Variants in ROBO2 observed in about 807,000 individuals in gnomAD.
ROBO2 encodes the protein roundabout homolog 2.
Under a neutral mutation model 160.8 loss-of-function variants are expected in ROBO2, and 53 were observed. The observed-to-expected ratio is 0.33, with a 90% CI of 0.26 to 0.41. The LOEUF (loss-of-function observed/expected upper bound fraction) is 0.41, where lower values mean the gene tolerates loss of function less well. Ranked by LOEUF, ROBO2 falls within the 10% of genes least tolerant of loss-of-function variation. The probability of loss-of-function intolerance (pLI) is 1.00; values close to 1 mark genes in which losing one functional copy is unlikely to be tolerated. For synonymous variants in ROBO2, 664 were observed against 611.7 expected (o/e 1.09, Z -1.26); for missense variants, 1,577 against 1,722.4 (o/e 0.92, Z 1.49).
At chr3:75,971,334 G>C (rs1360659570) in intron 2 of ROBO2, among the ~76,000 whole-genome samples, 2 of 151,404 alleles carry the variant, frequency 1.3e-5, no homozygotes, top group African/African-American at 4.8e-5. Context: ...CATAAAACCT[G>C]AACATGTTTC....
At chr3:76,580,492 T>C (rs2085631538) in intron 2 of ROBO2, among the ~76,000 whole-genome samples, 1 of 151,964 alleles carries the variant, frequency 6.6e-6, no homozygotes, top group Non-Finnish European at 1.5e-5. Flanking sequence ...AGGTAATTAA[T>C]TCACTTTAAA....
In ROBO2 at chr3:76,257,296, A is replaced by ATGTGTG. The variant is rs199824539; in HGVS notation, c.109+319705_109+319710dup. ...CTTCTATGTGTGCACACACGTGCATATGTGTGTGTGTGTGTGAACACCTCA... is the reference window on the plus strand; with the variant it reads ...CTTCTATGTGTGCACACACGTGCATATGTGTGTGTGTGTGTGTGTGTGAACACCTCA... On this transcript the variant is annotated intron_variant, in intron 2 of 26. Coordinates refer to the ROBO2 transcript ENST00000487694. Among the ~76,000 whole-genome samples, 473 of 151,384 alleles carry ATGTGTG rather than the reference A, an allele frequency of 3.1e-3. 1 individual carries two copies. The highest frequency in any genetic ancestry group is 4.6e-3 in the Non-Finnish European group (314 of 67,762).
intron 2 of ROBO2, among the ~76,000 whole-genome samples, chr3:76,514,598 G>A (rs896829994): frequency 5.3e-5 from 8 of 151,862 alleles, no homozygotes; most frequent in East Asian, 1.9e-4. Flanking sequence ...CTCTGTTATC[G>A]AAAAAATCCT....
At chr3:77,004,646 A>T (rs1425054216) in intron 2 of ROBO2, among the ~76,000 whole-genome samples, 2 of 152,214 alleles carry the variant, frequency 1.3e-5, no homozygotes, top group East Asian at 3.8e-4. Flanking sequence ...TTATTGAGAG[A>T]TGTGTAGCAG....
chr3:76,273,079 AATAT>A (rs1197540460), intron 2 of ROBO2, among the ~76,000 whole-genome samples: 1 of 100,100 alleles, frequency 1.0e-5, no homozygotes, highest in Admixed American at 1.7e-4. Flanking sequence ...ATATAAATAT[AATAT>A]ATATAAAATA....
At chr3:77,164,377 C>T (rs570936398) in intron 2 of ROBO2, among the ~76,000 whole-genome samples, 6 of 97,270 alleles carry the variant, frequency 6.2e-5, no homozygotes, top group African/African-American at 1.1e-4. Flanking sequence ...TTTTACCGTC[C>T]GGGAGGGAGG....
chr3:76,906,186 T>A (rs2075590925), intron 2 of ROBO2, among the ~76,000 whole-genome samples: 1 of 152,102 alleles, frequency 6.6e-6, no homozygotes, highest in Admixed American at 6.6e-5. Flanking sequence ...CATAAAATTA[T>A]TATTACTTAA....
chr3:77,128,425 TG>T (rs1180024706), intron 2 of ROBO2, among the ~76,000 whole-genome samples: 5 of 152,152 alleles, frequency 3.3e-5, no homozygotes, highest in African/African-American at 9.7e-5. Context: ...GATATCCAAG[TG>T]GGGGTTTTCG....
chr3:77,046,874 C>A (rs899308833), intron 1 of ROBO2, among the ~76,000 whole-genome samples: 1 of 152,128 alleles, frequency 6.6e-6, no homozygotes, highest in African/African-American at 2.4e-5. Flanking sequence ...TGAAAATATT[C>A]CCACATTCAA....
intron 2 of ROBO2, among the ~76,000 whole-genome samples, chr3:76,603,012 TC>T (rs1250544642): frequency 6.6e-6 from 1 of 152,024 alleles, no homozygotes; most frequent in Non-Finnish European, 1.5e-5. Context: ...ACTCCACAAA[TC>T]GTCTGAAAAT....
chr3:76,901,620 A>C (rs2075242669), intron 2 of ROBO2, among the ~76,000 whole-genome samples: 1 of 151,510 alleles, frequency 6.6e-6, no homozygotes. Flanking sequence ...ATAATATAAA[A>C]TATTTATTCC....
intron 2 of ROBO2, among the ~76,000 whole-genome samples, chr3:76,433,635 T>C (rs1200603766): frequency 1.3e-5 from 2 of 152,186 alleles, no homozygotes; most frequent in Non-Finnish European, 2.9e-5. Flanking sequence ...ATGTGTGTAT[T>C]CCAAAACTTG....
At chr3:77,367,673 C>A (rs2071111075) in intron 2 of ROBO2, among the ~76,000 whole-genome samples, 1 of 152,222 alleles carries the variant, frequency 6.6e-6, no homozygotes, top group African/African-American at 2.4e-5. Context: ...CTGTGGGACA[C>A]CTTATGCTTA....
At chr3:76,548,322 T>C (rs1190983277) in intron 2 of ROBO2, among the ~76,000 whole-genome samples, 18 of 152,130 alleles carry the variant, frequency 1.2e-4, no homozygotes, top group Non-Finnish European at 2.4e-4. Flanking sequence ...CTTTGCCTTG[T>C]TTTTCCCAGT....
intron 6 of ROBO2, among the ~76,000 whole-genome samples, chr3:77,542,959 T>A (rs939789966): frequency 9.2e-5 from 14 of 152,156 alleles, no homozygotes; most frequent in African/African-American, 3.4e-4. Context: ...TCTGTCCCTA[T>A]CTATATGACC....
intron 2 of ROBO2, among the ~76,000 whole-genome samples, chr3:77,474,489 A>G (rs755728815): frequency 2.0e-5 from 3 of 152,108 alleles, no homozygotes; most frequent in Non-Finnish European, 4.4e-5. Context: ...TTAAAACACA[A>G]CTGCTGCTAC....
At chr3:76,874,976 A>C (rs1459048401) in intron 2 of ROBO2, among the ~76,000 whole-genome samples, 1 of 152,158 alleles carries the variant, frequency 6.6e-6, no homozygotes, top group Non-Finnish European at 1.5e-5. Context: ...TTTCCTTGCC[A>C]TTATGGTTTG....
Position 77,003,207 on chromosome 3 carries a change from A to T in ROBO2, c.110-94807A>T, listed in dbSNP as rs574162803. On this transcript the variant is annotated intron_variant, in intron 2 of 26. Coordinates refer to the ROBO2 transcript ENST00000487694. ...ACCTTCATGAAATAAGAATCAGCAC[A>T]TTACTTTACAGTTCTGAAAGCATAC... Among the ~76,000 whole-genome samples the T allele has an allele frequency of 2.0e-5, 3 of 152,308 alleles. No homozygotes were observed. The South Asian group carries it at 6.2e-4, about 32-fold the overall frequency.
chr3:75,966,548 G>T (rs1190130781), intron 2 of ROBO2, among the ~76,000 whole-genome samples: 3 of 151,772 alleles, frequency 2.0e-5, no homozygotes, highest in African/African-American at 2.4e-5. Context: ...GCTTGCATTT[G>T]AATCCTGCCT....
Sources: gnomAD v4.1 joint callset for allele counts (sites outside exome capture counted in the v4.1 genomes callset) on GRCh38, gnomAD v4.1.1 for gene constraint, MANE v1.5 for transcripts, NCBI Gene and HGNC (gene_info 2026-07-23, HGNC 2026-07-21) for gene names.